PARP4: variants seen among roughly 807,000 people sequenced by gnomAD.
The protein encoded by PARP4 is poly(ADP-ribose) polymerase family member 4.
Under a neutral mutation model 187.7 loss-of-function variants are expected in PARP4, and 120 were observed. That is an observed-to-expected ratio of 0.64 (90% CI 0.55 to 0.74). The LOEUF (loss-of-function observed/expected upper bound fraction) is 0.74. Among genes scored for constraint, PARP4 ranks in the 30% least tolerant of loss-of-function variants. PARP4 has a pLI of 0.00. For synonymous variants in PARP4, 654 were observed against 740.9 expected (o/e 0.88, Z 1.90); for missense variants, 1,836 against 2,070.5 (o/e 0.89, Z 2.20).
At chr13:24,477,034 C>G (rs9511301) in intron 14 of PARP4, among the ~76,000 whole-genome samples, 77,415 of 152,090 alleles carry the variant, frequency 0.51, 20,022 homozygotes, top group South Asian at 0.65. Flanking sequence ...CTGCTCTCCC[C>G]ACCCCATTAC....
intron 1 of PARP4, among the ~76,000 whole-genome samples, chr13:24,511,824 T>C (rs969034115): frequency 5.3e-5 from 8 of 152,248 alleles, no homozygotes; most frequent in Non-Finnish European, 4.4e-5. Flanking sequence ...TCTGACACTA[T>C]TTGCATTTTG....
At position 24,459,094 on chromosome 13, in the gene PARP4, G is replaced by T. The variant is rs1215450173; in HGVS notation, c.2374C>A (p.Pro792Thr). 1 of 1,610,364 alleles carries T rather than the reference G, an allele frequency of 6.2e-7. No homozygotes were observed. The highest frequency in any genetic ancestry group is 1.7e-5 in the Admixed American group (1 of 59,814). The change falls in exon 20 of 34, where the codon CCG (proline) becomes ACG (threonine). Residue 792 changes from proline (P) to threonine (T), a missense_variant. Pro to Thr is a conservative substitution (Grantham distance 38). Coordinates refer to ENST00000381989, the MANE Select transcript of PARP4 (RefSeq NM_006437.4). ...CTGAAAATGAATTCAATCACATACG[G>T]CATCTCAATAGACATAGTCAAAGAG... The part of the protein sequence containing the change: ...SFSLTMSIEM[P>T]YVIEFIFSDT...
intron 22 of PARP4, 24 bp from the exon 23 acceptor site, chr13:24,453,678 GT>G: frequency 7.1e-7 from 1 of 1,416,562 alleles, no homozygotes; most frequent in African/African-American, 1.4e-5. Context: ...TCAGCATGAG[GT>G]GCTGCTTCCA....
rs548319398 is a variant in PARP4, at chr13:24,471,038, G to T, written c.1915-1013C>A. ...AACGTGCGTCCTGGAGTTTCTCAGC[G>T]ATCTGGGCTATGCTGCCTGCAATGA... On this transcript the variant is annotated intron_variant, in intron 15 of 33. Transcript: ENST00000381989. Among the ~76,000 whole-genome samples, 6 of 152,184 alleles carry T rather than the reference G, an allele frequency of 3.9e-5. No homozygotes were observed. The South Asian group carries it at 1.2e-3, about 31-fold the overall frequency.
rs750350404 is a variant in PARP4 at position 24,459,034 on chromosome 13, A to ATGCACTAACCTT, written c.2422_2424+9dup. On this transcript the variant is annotated intron_variant, in intron 20 of 33. Transcript: ENST00000381989. ...AATAACAGCTCTTAAGAAATCAAAG[A>ATGCACTAACCTT]TGCACTAACCTTTTGTTTCAGTTCA... The ATGCACTAACCTT allele has an allele frequency of 8.3e-6, 13 of 1,562,526 alleles. No homozygotes were observed. Among genetic ancestry groups the ATGCACTAACCTT allele is most frequent in the African/African-American group, 6.8e-5 (5 of 73,834 alleles).
chr13:24,457,734 G>A (rs961692461), intron 20 of PARP4, among the ~76,000 whole-genome samples: 8 of 128,696 alleles, frequency 6.2e-5, no homozygotes, highest in Non-Finnish European at 1.2e-4. Flanking sequence ...TCCCACCACT[G>A]CACTCCAACC....
intron 1 of PARP4, among the ~76,000 whole-genome samples, chr13:24,507,913 C>T (rs1388885867): frequency 2.6e-5 from 4 of 152,136 alleles, no homozygotes; most frequent in Non-Finnish European, 4.4e-5. Context: ...ATGCTGTATC[C>T]CCCATCCAGG....
chr13:24,448,605 A>C (rs1871334681), intron 25 of PARP4, among the ~76,000 whole-genome samples: 1 of 152,238 alleles, frequency 6.6e-6, no homozygotes, highest in Admixed American at 6.5e-5. Context: ...CATATGATCC[A>C]GCAATCCCAC....
At chr13:24,443,313 A>G (rs6490932) in intron 28 of PARP4, among the ~76,000 whole-genome samples, 59,760 of 151,574 alleles carry the variant, frequency 0.39, 12,022 homozygotes, top group African/African-American at 0.45. Context: ...CATCAGTAAG[A>G]TGGGAATACT....
chr13:24,494,581 A>G lies in PARP4; in HGVS notation c.733T>C (p.Leu245=). ...PEATQLASEQ[L]QALLLEEVMN... ...TTATAAATCAATCTCACTGCTTGCA[A>G]TTGTTCAGATGCTAATTGGGTTGCT... The change falls in exon 7 of 34, where the codon TTG becomes CTG. Residue 245 remains leucine (L), a synonymous_variant. Transcript: ENST00000381989. 3.7e-6 allele frequency: 6 copies of G among 1,605,754 alleles called. No homozygotes were observed. The highest frequency in any genetic ancestry group is 5.1e-6 in the Non-Finnish European group (6 of 1,177,412).
At chr13:24,486,076 A>T in intron 11 of PARP4, 92 bp downstream of exon 11, 1 of 1,127,858 alleles carries the variant, frequency 8.9e-7, no homozygotes, top group Non-Finnish European at 1.3e-6. Context: ...GAAAAGACTC[A>T]CGTAATATAG....
chr13:24,450,309 G>A (rs970493032), intron 24 of PARP4, among the ~76,000 whole-genome samples: 3 of 151,808 alleles, frequency 2.0e-5, no homozygotes, highest in Non-Finnish European at 4.4e-5. Context: ...ACATTTAAAT[G>A]ACAAGTGCCC....
Position 24,501,728 on chromosome 13 carries a change from G to C in PARP4, c.239C>G (p.Ser80Cys). The C allele has an allele frequency of 1.2e-6, 2 of 1,611,484 alleles. No individual in the cohort carries two copies. Among genetic ancestry groups the C allele is most frequent in the Non-Finnish European group, 1.7e-6 (2 of 1,177,632 alleles). The change falls in exon 3 of 34, where the codon TCT (serine) becomes TGT (cysteine). Residue 80 changes from serine (S) to cysteine (C), a missense_variant. By Grantham distance (112) the Ser-to-Cys change is moderately radical. Around this residue, in one of 8 missense-constraint regions of PARP4, gnomAD observed 1,147 missense variants for 1,214.2 expected, o/e 0.94. Transcript: ENST00000381989. ...HIANPDFIWK[S>C]IREKRLLDVK... ...ATCCAAGAGTCTCTTTTCCCTGATA[G>C]ATTTCCATATAAAATCTGGGTTTGC... is the stretch of plus-strand genomic sequence containing the variant.
At chr13:24,482,926 T>C (rs1485958105) in intron 12 of PARP4, among the ~76,000 whole-genome samples, 1 of 152,244 alleles carries the variant, frequency 6.6e-6, no homozygotes, top group Non-Finnish European at 1.5e-5. Flanking sequence ...GGACTTCATG[T>C]AGGACTCCAC....
intron 25 of PARP4, among the ~76,000 whole-genome samples, chr13:24,448,662 T>C (rs1871336846): frequency 6.6e-6 from 1 of 152,214 alleles, no homozygotes; most frequent in Non-Finnish European, 1.5e-5. Context: ...CAGACACTTG[T>C]ATACCAATGC....
chr13:24,485,265 G>T (rs761511898), intron 11 of PARP4, among the ~76,000 whole-genome samples: 1 of 151,962 alleles, frequency 6.6e-6, no homozygotes, highest in Non-Finnish European at 1.5e-5. Flanking sequence ...GGGTTCATTT[G>T]TGTTTAATAT....
intron 1 of PARP4, among the ~76,000 whole-genome samples, chr13:24,505,525 G>A (rs1333372704): frequency 6.6e-6 from 1 of 150,904 alleles, no homozygotes; most frequent in African/African-American, 2.4e-5. Context: ...TAGGAAGGAT[G>A]TTTCTCACCG....
At chr13:24,487,027 T>G (rs1873598262) in intron 10 of PARP4, among the ~76,000 whole-genome samples, 1 of 150,990 alleles carries the variant, frequency 6.6e-6, no homozygotes, top group African/African-American at 2.4e-5. Flanking sequence ...TTTGGGAGGC[T>G]GTGGTGGGCG....
At position 24,449,798 on chromosome 13, in the gene PARP4, C is replaced by G. The variant is rs9581043; in HGVS notation, c.3034G>C (p.Val1012Leu). ...CGIGSTANRH[V>L]LRILSQCGAG... ...CCACACTGGGACAAAATCCTTAAGA[C>G]GTGACGATTTGCTGTAGAACTGATC... The change falls in exon 25 of 34, where the codon GTC becomes CTC. Residue 1012 changes from valine to leucine, a missense_variant. Physicochemically the swap from Val to Leu is conservative, Grantham distance 32 (BLOSUM62 1). Coordinates refer to ENST00000381989, the MANE Select transcript of PARP4 (RefSeq NM_006437.4). 9.4e-6 allele frequency: 15 copies of G among 1,604,132 alleles called. No homozygotes were observed. Among genetic ancestry groups the G allele is most frequent in the Non-Finnish European group, 1.3e-5 (15 of 1,171,456 alleles).
Sources: gnomAD v4.1 joint callset for allele counts (sites outside exome capture counted in the v4.1 genomes callset) on GRCh38, gnomAD v4.1.1 for gene constraint, gnomAD v4.1.1 regional missense constraint, MANE v1.5 for transcripts, NCBI Gene and HGNC (gene_info 2026-07-23, HGNC 2026-07-21) for gene names.